PPARD: variants seen among roughly 807,000 people sequenced by gnomAD.
PPARD encodes the protein peroxisome proliferator-activated receptor delta.
In PPARD, 6 loss-of-function variants were observed where a neutral mutation model predicts 39.5. The ratio of observed to expected loss-of-function variants is 0.15; its 90% CI spans 0.08 to 0.30. The LOEUF (loss-of-function observed/expected upper bound fraction) is 0.30, where lower values mean the gene tolerates loss of function less well. Ranked by LOEUF, PPARD falls within the 10% of genes least tolerant of loss-of-function variation. The pLI is 1.00. For synonymous variants in PPARD, 210 were observed against 231.3 expected (o/e 0.91, Z 0.83); for missense variants, 397 against 596.8 (o/e 0.67, Z 3.49).
intron 2 of PPARD, among the ~76,000 whole-genome samples, chr6:35,356,522 C>T (rs1286045100): frequency 1.3e-5 from 2 of 152,234 alleles, no homozygotes; most frequent in Non-Finnish European, 2.9e-5. Flanking sequence ...TAGCTGTTGA[C>T]TCTCTTTGCC....
At chr6:35,418,781 C>T (rs1765948936) in intron 3 of PPARD, among the ~76,000 whole-genome samples, 1 of 152,150 alleles carries the variant, frequency 6.6e-6, no homozygotes, top group African/African-American at 2.4e-5. Flanking sequence ...GAACCAGAGA[C>T]TTGTGTTACC....
chr6:35,407,986 A>G (rs1034813833), intron 2 of PPARD, among the ~76,000 whole-genome samples: 16 of 152,136 alleles, frequency 1.1e-4, no homozygotes, highest in African/African-American at 3.9e-4. Flanking sequence ...AAATCCGGCA[A>G]TCAGTGCCTG....
chr6:35,361,723 T>C (rs1761936992), intron 2 of PPARD, among the ~76,000 whole-genome samples: 1 of 152,178 alleles, frequency 6.6e-6, no homozygotes, highest in Admixed American at 6.5e-5. Flanking sequence ...TAAGGATGCC[T>C]GTAACCACCA....
At chr6:35,410,634 T>C (rs1208466043) in intron 2 of PPARD, among the ~76,000 whole-genome samples, 1 of 152,184 alleles carries the variant, frequency 6.6e-6, no homozygotes, top group Non-Finnish European at 1.5e-5. Flanking sequence ...CCAGGTGGGC[T>C]GGAGAGTTGG....
intron 2 of PPARD, among the ~76,000 whole-genome samples, chr6:35,393,057 C>G (rs1205113367): frequency 6.6e-6 from 1 of 152,182 alleles, no homozygotes; most frequent in African/African-American, 2.4e-5. Flanking sequence ...ACTATTCATC[C>G]TCATAGGCCT....
intron 2 of PPARD, among the ~76,000 whole-genome samples, chr6:35,410,263 A>G (rs9658130): frequency 0.021 from 3,228 of 152,256 alleles, 50 homozygotes; most frequent in Non-Finnish European, 0.033. Flanking sequence ...GTACCTCATG[A>G]TCTTATCATC....
At chr6:35,386,456 A>G in intron 2 of PPARD, among the ~76,000 whole-genome samples, 1 of 151,540 alleles carries the variant, frequency 6.6e-6, no homozygotes, top group East Asian at 1.9e-4. Context: ...ATGCCACTGC[A>G]TTCCAACCTG....
intron 2 of PPARD, among the ~76,000 whole-genome samples, chr6:35,359,507 G>A (rs748556961): frequency 2.6e-5 from 4 of 152,210 alleles, no homozygotes; most frequent in Non-Finnish European, 5.9e-5. Context: ...CATTCACCGC[G>A]TAGTTCTGGG....
At chr6:35,345,971 G>A (rs1005744118) in intron 1 of PPARD, among the ~76,000 whole-genome samples, 5 of 148,674 alleles carry the variant, frequency 3.4e-5, no homozygotes, top group African/African-American at 1.3e-4. Context: ...CCATCTCCCA[G>A]GTTCACGCCA....
rs950256827 is a variant in PPARD at position 35,366,215 on chromosome 6, A to G, written c.-102+19065A>G. On this transcript the variant is annotated intron_variant, in intron 2 of 7. Transcript: ENST00000360694. This position sits in a 1 kb window ranked among gnomAD's most constrained non-coding sequence, Gnocchi z 4.6. ...TAGGAGAGATTTACACAAATATGTGAATACCAGAAGGTGAGGATTGTTGCC... is the reference window on the plus strand; with the variant it reads ...TAGGAGAGATTTACACAAATATGTGGATACCAGAAGGTGAGGATTGTTGCC... Among the ~76,000 whole-genome samples the G allele has an allele frequency of 6.6e-6, 1 of 151,796 alleles. No homozygotes were observed. Among genetic ancestry groups the G allele is most frequent in the Non-Finnish European group, 1.5e-5 (1 of 68,044 alleles).
At chr6:35,404,427 T>G (rs987557200) in intron 2 of PPARD, among the ~76,000 whole-genome samples, 24 of 152,212 alleles carry the variant, frequency 1.6e-4, no homozygotes, top group Admixed American at 1.4e-3. Flanking sequence ...GCTTAGGCTC[T>G]GGTACAGTAA....
chr6:35,349,089 G>A (rs1489749120), intron 2 of PPARD: 5 of 898,166 alleles, frequency 5.6e-6, no homozygotes, highest in African/African-American at 1.8e-5. Context: ...GCAGTGGCGC[G>A]ATCTAGGCTC....
At chr6:35,357,521 T>G (rs1761683597) in intron 2 of PPARD, among the ~76,000 whole-genome samples, 3 of 151,520 alleles carry the variant, frequency 2.0e-5, no homozygotes, top group African/African-American at 7.3e-5. Flanking sequence ...TCCGTAAAAT[T>G]AACTCTCCAC....
intron 3 of PPARD, among the ~76,000 whole-genome samples, chr6:35,419,235 G>A (rs1765982573): frequency 6.6e-6 from 1 of 152,124 alleles, no homozygotes; most frequent in African/African-American, 2.4e-5. Flanking sequence ...AGGACAGCTG[G>A]TATGTGGGGC....
At chr6:35,354,864 GT>G (rs779709387) in intron 2 of PPARD, among the ~76,000 whole-genome samples, 61 of 152,218 alleles carry the variant, frequency 4.0e-4, no homozygotes, top group Middle Eastern at 3.2e-3. Flanking sequence ...TTCATCGTCT[GT>G]GAAGAGGCCT....
chr6:35,372,881 T>G (rs1179176699), intron 2 of PPARD, among the ~76,000 whole-genome samples: 1 of 152,246 alleles, frequency 6.6e-6, no homozygotes, highest in Non-Finnish European at 1.5e-5. Context: ...GGTTCATACC[T>G]GTCTTAGTCT....
chr6:35,385,230 G>A, intron 2 of PPARD, among the ~76,000 whole-genome samples: 1 of 148,964 alleles, frequency 6.7e-6, no homozygotes, highest in Non-Finnish European at 1.5e-5. Context: ...GAAATCGGAT[G>A]GTTGCCGTGT....
Position 35,396,212 on chromosome 6 carries a change from C to CT in PPARD, c.-101-14764dup, listed in dbSNP as rs1158974418. 4.9e-3 allele frequency among the ~76,000 whole-genome samples: 712 copies of CT among 145,186 alleles called. 6 individuals carry two copies. Among genetic ancestry groups the CT allele is most frequent in the Middle Eastern group, 0.025 (7 of 276 alleles). ...AAGTATTTTATTTCTTCTTCTTCTTCTTTTTTTTTTTAGACAGAGTCTCGC... is the reference window on the plus strand; with the variant it reads ...AAGTATTTTATTTCTTCTTCTTCTTCTTTTTTTTTTTTAGACAGAGTCTCGC... On this transcript the variant is annotated intron_variant, in intron 2 of 7. Transcript: ENST00000360694.
rs761248401 is a variant in PPARD at position 35,348,344 on chromosome 6, GT to G, written c.-102+1197del. On this transcript the variant is annotated intron_variant, in intron 2 of 7. Transcript: ENST00000360694. ...AGAGCTGGCCATAACACACAGAATT[GT>G]TTCTTCCATCTCTGCAGGGGTAGGA... The G allele has an allele frequency of 9.2e-5, 91 of 985,346 alleles. No individual in the cohort carries two copies. In the Middle Eastern group the frequency reaches 2.1e-3, roughly 23 times the overall value. 61.0% of individuals were successfully genotyped at this position (985,346 alleles called of 1,614,324 possible). A position where few individuals can be genotyped will look rare whatever the true frequency, so the allele number is the denominator to read the frequency against.
Sources: allele counts gnomAD v4.1 joint callset (sites outside exome capture counted in the v4.1 genomes callset), GRCh38; gene constraint gnomAD v4.1.1; non-coding constraint Gnocchi (gnomAD v3.1); transcripts MANE v1.5; gene names NCBI Gene and HGNC (gene_info 2026-07-23, HGNC 2026-07-21).